The following FNDC3A variants were observed in gnomAD, a reference collection of about 807,000 sequenced individuals.
FNDC3A encodes fibronectin type-III domain-containing protein 3A.
A neutral mutation model predicts 148.9 loss-of-function variants in FNDC3A; 32 were observed. The observed-to-expected ratio is 0.21, with a 90% CI of 0.16 to 0.29. FNDC3A has a LOEUF of 0.29. Ranked by LOEUF, FNDC3A falls within the 10% of genes least tolerant of loss-of-function variation. FNDC3A has a pLI of 1.00. For synonymous variants in FNDC3A, 472 were observed against 473.6 expected, an observed-to-expected ratio of 1.00 and a Z score of 0.04; for missense variants, 1,191 against 1,452.8, an observed-to-expected ratio of 0.82 and a Z score of 2.93.
At chr13:49,203,924 T>C (rs1886531481) in intron 25 of FNDC3A, among the ~76,000 whole-genome samples, 1 of 152,324 alleles carries the variant, frequency 6.6e-6, no homozygotes, top group Admixed American at 6.5e-5. Context: ...TAATAGGCCA[T>C]ACTGTGGCTT....
rs766803699 is a variant in FNDC3A, at chr13:49,196,917, C to T, written c.2267C>T (p.Pro756Leu). 1.9e-6 allele frequency: 3 copies of T among 1,611,180 alleles called. No homozygotes were observed. The highest frequency in any genetic ancestry group is 4.5e-5 in the East Asian group (2 of 44,768). The change falls in exon 20 of 26, where the codon CCT (proline) becomes CTT (leucine). Residue 756 changes from proline (P) to leucine (L), a missense_variant. This residue lies in a region of FNDC3A where 751 missense variants were observed against 944.0 expected (regional missense o/e 0.80). Coordinates refer to ENST00000492622, the MANE Select transcript of FNDC3A (RefSeq NM_001079673.2). ...FSEKCDITTA[P>L]GPPDQCKPPQ... is the part of the protein sequence containing the mutation. ...GAAAAATGTGATATTACTACAGCCC[C>T]TGGGCCACCAGATCAGTGCAAGCCC... is the stretch of plus-strand genomic sequence containing the variant.
chr13:49,152,601 G>A (rs916965937), intron 8 of FNDC3A, among the ~76,000 whole-genome samples: 6 of 151,780 alleles, frequency 4.0e-5, no homozygotes, highest in Admixed American at 1.3e-4. Context: ...ATGCTGGTGC[G>A]CTGCACCCAC....
At chr13:49,174,131 G>A (rs182747952) in intron 11 of FNDC3A, among the ~76,000 whole-genome samples, 1 of 152,280 alleles carries the variant, frequency 6.6e-6, no homozygotes, top group Admixed American at 6.5e-5. Flanking sequence ...ACCACTGGTA[G>A]TCTTCTATGG....
chr13:49,095,532 T>C (rs1295798555), intron 3 of FNDC3A: 1 of 151,958 alleles, frequency 6.6e-6, no homozygotes, highest in Admixed American at 6.6e-5. Context: ...AGGTAGAGAA[T>C]CTTTATACCT....
chr13:49,145,017 A>G (rs1882914572), intron 7 of FNDC3A, among the ~76,000 whole-genome samples: 1 of 152,154 alleles, frequency 6.6e-6, no homozygotes, highest in Non-Finnish European at 1.5e-5. Flanking sequence ...TCAGTGCCCT[A>G]TAGTTCTAGT....
chr13:49,158,395 C>T (rs1032552435), intron 8 of FNDC3A, among the ~76,000 whole-genome samples: 11 of 152,344 alleles, frequency 7.2e-5, no homozygotes, highest in East Asian at 3.9e-4. Context: ...ACGGTACGCG[C>T]GCTCACTGAC....
intron 1 of FNDC3A, among the ~76,000 whole-genome samples, chr13:48,996,790 G>A (rs1422807490): frequency 2.6e-5 from 4 of 152,096 alleles, no homozygotes; most frequent in African/African-American, 9.7e-5. Context: ...GGCAGGGCAT[G>A]GTGGCTCACA....
intron 25 of FNDC3A, among the ~76,000 whole-genome samples, chr13:49,206,134 C>T (rs1886633058): frequency 1.3e-5 from 2 of 152,234 alleles, no homozygotes; most frequent in Non-Finnish European, 2.9e-5. Flanking sequence ...ATGATAGCTC[C>T]TACAGATTGA....
chr13:49,181,466 C>T (rs1367890841), intron 14 of FNDC3A, among the ~76,000 whole-genome samples: 1 of 152,044 alleles, frequency 6.6e-6, no homozygotes, highest in East Asian at 1.9e-4. Flanking sequence ...TGGTATACTT[C>T]TAAGTAATTC....
At chr13:49,200,310 A>T (rs1414731047) in intron 23 of FNDC3A, among the ~76,000 whole-genome samples, 1 of 152,192 alleles carries the variant, frequency 6.6e-6, no homozygotes, top group African/African-American at 2.4e-5. Flanking sequence ...ATAATTTTGT[A>T]TACTAGTATA....
At chr13:49,069,447 G>C (rs751597850) in intron 2 of FNDC3A, among the ~76,000 whole-genome samples, 8 of 151,948 alleles carry the variant, frequency 5.3e-5, no homozygotes, top group Admixed American at 1.3e-4. Context: ...CAACCATATA[G>C]AACTCCAGAA....
chr13:49,025,366 A>T lies in FNDC3A; in HGVS notation c.99+19077A>T, dbSNP rs116673408. 8.3e-3 allele frequency among the ~76,000 whole-genome samples: 1,262 copies of T among 152,146 alleles called. 21 individuals are homozygous for T. Among genetic ancestry groups the T allele is most frequent in the African/African-American group, 0.029 (1,193 of 41,556 alleles). On this transcript the variant is annotated intron_variant, in intron 2 of 25. Transcript: ENST00000492622. ...TATTCTAATATTTTCTTTTTTCAAG[A>T]TTTCAGCATGACTCTGAGTAATCTA...
chr13:49,068,523 T>A (rs1877423597), intron 2 of FNDC3A, among the ~76,000 whole-genome samples: 1 of 152,186 alleles, frequency 6.6e-6, no homozygotes, highest in South Asian at 2.1e-4. Flanking sequence ...AGAATTACCT[T>A]TTGACCCAGC....
intron 25 of FNDC3A, among the ~76,000 whole-genome samples, chr13:49,205,650 A>T (rs1886612006): frequency 1.3e-5 from 2 of 152,178 alleles, no homozygotes; most frequent in African/African-American, 2.4e-5. Flanking sequence ...TATAAGGGAT[A>T]CCCAACCTGT....
At position 49,197,792 on chromosome 13, in the gene FNDC3A, T is replaced by C. The variant is rs373811925; in HGVS notation, c.2408T>C (p.Met803Thr). The change falls in exon 21 of 26, where the codon ATG (methionine) becomes ACG (threonine). Residue 803 changes from methionine to threonine, a missense_variant. This residue lies in a region of FNDC3A where 751 missense variants were observed against 944.0 expected (regional missense o/e 0.80). Transcript: ENST00000492622. Reference protein sequence around the residue: ...RLEWGGVEGSMQICYCGPGLS... With the variant: ...RLEWGGVEGSTQICYCGPGLS... ...GAGTGGGGAGGAGTTGAAGGAAGTA[T>C]GCAGATATGTTACTGTGGGCCTGGT... 7 of 1,611,326 alleles carry C rather than the reference T, an allele frequency of 4.3e-6. No homozygotes were observed. In the African/African-American group the frequency reaches 8.0e-5, roughly 18 times the overall value.
chr13:49,070,985 A>G (rs1396112499), intron 2 of FNDC3A, among the ~76,000 whole-genome samples: 1 of 133,924 alleles, frequency 7.5e-6, no homozygotes, highest in Non-Finnish European at 1.5e-5. Flanking sequence ...TACAGTCTTG[A>G]CCTCCTGAGA....
intron 4 of FNDC3A, among the ~76,000 whole-genome samples, chr13:49,126,108 G>A (rs1881677746): frequency 6.6e-6 from 1 of 151,880 alleles, no homozygotes. Flanking sequence ...CCATTTCTTA[G>A]CACCTAAGCC....
intron 2 of FNDC3A, among the ~76,000 whole-genome samples, chr13:49,062,820 A>T (rs1307698884): frequency 6.6e-6 from 1 of 151,880 alleles, no homozygotes; most frequent in Non-Finnish European, 1.5e-5. Flanking sequence ...ACTGTGATTT[A>T]TTTTTCTTCT....
At chr13:49,034,291 A>G (rs937865709) in intron 2 of FNDC3A, among the ~76,000 whole-genome samples, 1 of 152,080 alleles carries the variant, frequency 6.6e-6, no homozygotes, top group African/African-American at 2.4e-5. Flanking sequence ...TGAAAGAAAC[A>G]TAACTCTTTT....
Sources: gnomAD v4.1 joint callset for allele counts (sites outside exome capture counted in the v4.1 genomes callset) on GRCh38, gnomAD v4.1.1 for gene constraint, gnomAD v4.1.1 regional missense constraint, MANE v1.5 for transcripts, NCBI Gene and HGNC (gene_info 2026-07-23, HGNC 2026-07-21) for gene names.